Variants in ZBTB16 observed in about 807,000 individuals in gnomAD.
ZBTB16 encodes zinc finger and BTB domain containing 16, also known as zinc finger and BTB domain-containing protein 16.
ZBTB16 carries 8 observed loss-of-function variants against 56.8 expected under a neutral mutation model. The observed-to-expected ratio is 0.14, with a 90% confidence interval of 0.08 to 0.25. The LOEUF is 0.25. Ranked by LOEUF, ZBTB16 falls within the 10% of genes least tolerant of loss-of-function variation. The pLI is 1.00. For synonymous variants in ZBTB16, 363 were observed against 368.5 expected, an observed-to-expected ratio of 0.98 and a Z score of 0.17; for missense variants, 625 against 903.0, an observed-to-expected ratio of 0.69 and a Z score of 3.95.
At chr11:114,207,581 C>T (rs1005326679) in intron 4 of ZBTB16, among the ~76,000 whole-genome samples, 2 of 145,164 alleles carry the variant, frequency 1.4e-5, no homozygotes, top group Non-Finnish European at 3.0e-5. Context: ...TTGCCTGATA[C>T]ACACACACAA....
chr11:114,210,196 T>C (rs507839), intron 4 of ZBTB16, among the ~76,000 whole-genome samples: 103,145 of 151,132 alleles, frequency 0.68, 35,410 homozygotes, highest in Middle Eastern at 0.76. Flanking sequence ...TGTGTGTGCG[T>C]GCGCGCGCGT....
intron 2 of ZBTB16, among the ~76,000 whole-genome samples, chr11:114,150,723 A>G (rs1250330826): frequency 6.6e-6 from 1 of 152,218 alleles, no homozygotes; most frequent in Non-Finnish European, 1.5e-5. Context: ...GAGTGAGCCC[A>G]TTGCTAAAGT....
Position 114,242,215 on chromosome 11 carries a change from C to A in ZBTB16, c.1502C>A (p.Ala501Glu). The stretch of plus-strand genomic sequence containing the variant: ...CTGCTGTGTGGGAAGCGCTTCCAGG[C>A]GCAGAGCGCACTGCAGCAGCACATG... ...FCLLCGKRFQ[A>E]QSALQQHMEV... is the part of the protein sequence containing the mutation. Residue 501 changes from alanine (A) to glutamate (E), a missense_variant, in exon 5 of 7, where the codon GCG becomes GAG. By Grantham distance (107) the Ala-to-Glu change is moderately radical. Around this residue, in one of 6 missense-constraint regions of ZBTB16, gnomAD observed 140 missense variants for 214.8 expected, o/e 0.65. Transcript: ENST00000335953. 6.2e-7 allele frequency: 1 copy of A among 1,613,862 alleles called. No individual in the cohort carries two copies.
intron 3 of ZBTB16, among the ~76,000 whole-genome samples, chr11:114,174,023 T>C (rs1303377975): frequency 1.3e-5 from 2 of 152,208 alleles, no homozygotes; most frequent in Non-Finnish European, 2.9e-5. Flanking sequence ...CCTACATGTT[T>C]TCATACCTTT....
rs1415779965 is a variant in ZBTB16, at chr11:114,250,929, G to T, written c.*374G>T. Among the ~76,000 whole-genome samples, 1 of 152,206 alleles carries T rather than the reference G, an allele frequency of 6.6e-6. No individual in the cohort carries two copies. The highest frequency in any genetic ancestry group is 6.5e-5 in the Admixed American group (1 of 15,286). On this transcript the variant is annotated 3_prime_UTR_variant, in exon 7 of 7. Transcript: ENST00000335953. The surrounding 1 kb of genome is among the most constrained non-coding windows in gnomAD (Gnocchi z 6.0). The stretch of plus-strand genomic sequence containing the variant: ...GAGGTCCTCTGGTCAGAGCCACACG[G>T]TCTGTGCCGGCCTTCCTCCACCAAG...
intron 4 of ZBTB16, among the ~76,000 whole-genome samples, chr11:114,211,221 T>C (rs1214423819): frequency 2.0e-5 from 3 of 152,182 alleles, no homozygotes; most frequent in Non-Finnish European, 4.4e-5. Context: ...GTGAGTGACC[T>C]AAAAGTGCAG....
chr11:114,081,029 A>AT (rs1939738993), intron 2 of ZBTB16, among the ~76,000 whole-genome samples: 1 of 152,074 alleles, frequency 6.6e-6, no homozygotes, highest in African/African-American at 2.4e-5. Context: ...AGGTTCTGTG[A>AT]TTTTCCCTAG....
intron 4 of ZBTB16, among the ~76,000 whole-genome samples, chr11:114,208,328 G>A (rs1943930536): frequency 6.6e-6 from 1 of 152,186 alleles, no homozygotes; most frequent in Non-Finnish European, 1.5e-5. Flanking sequence ...TGAAGAATCT[G>A]TTCTTGTCTG....
At chr11:114,107,325 G>C (rs1042086578) in intron 2 of ZBTB16, among the ~76,000 whole-genome samples, 1 of 152,144 alleles carries the variant, frequency 6.6e-6, no homozygotes, top group African/African-American at 2.4e-5. Context: ...TTTAGACCTT[G>C]TAATGTGCAT....
At position 114,105,244 on chromosome 11, in the gene ZBTB16, C is replaced by CTTTT. The variant is rs560912055; in HGVS notation, c.1268+40685_1268+40688dup. Among the ~76,000 whole-genome samples the CTTTT allele has an allele frequency of 3.5e-3, 514 of 145,894 alleles. 9 individuals carry two copies. In the East Asian group the frequency reaches 0.046, roughly 13 times the overall value. On this transcript the variant is annotated intron_variant, in intron 2 of 6. Transcript: ENST00000335953. ...ATTAATTCTGTCTCTCTCTCTCTCT[C>CTTTT]TTTTTTTTTTTTGAGACGTGGAGTC... is the stretch of plus-strand genomic sequence containing the variant.
chr11:114,123,872 G>A (rs57936473), intron 2 of ZBTB16, among the ~76,000 whole-genome samples: 157 of 152,254 alleles, frequency 1.0e-3, no homozygotes, highest in African/African-American at 3.4e-3. Flanking sequence ...ATATACGGGC[G>A]CCAGGCTGCT....
intron 4 of ZBTB16, among the ~76,000 whole-genome samples, chr11:114,201,379 C>A (rs1439663610): frequency 6.6e-6 from 1 of 152,108 alleles, no homozygotes; most frequent in Middle Eastern, 3.2e-3. Flanking sequence ...CCAAGCCGGG[C>A]CCAGGGTTGC....
intron 2 of ZBTB16, among the ~76,000 whole-genome samples, chr11:114,109,101 T>C (rs897590753): frequency 4.6e-5 from 7 of 152,126 alleles, no homozygotes; most frequent in African/African-American, 1.7e-4. Context: ...GGCTTTGGGG[T>C]CAGTCAGGTG....
intron 2 of ZBTB16, among the ~76,000 whole-genome samples, chr11:114,136,820 A>G (rs1941808997): frequency 6.6e-6 from 1 of 152,072 alleles, no homozygotes; most frequent in Admixed American, 6.6e-5. Context: ...TGTAGTTTTA[A>G]CTGCAGGGCA....
intron 4 of ZBTB16, among the ~76,000 whole-genome samples, chr11:114,233,057 ACATACGCATGCGCGCGCGCGCGCG>A (rs1403052379): frequency 1.9e-4 from 21 of 109,918 alleles, no homozygotes; most frequent in African/African-American, 6.1e-4. Context: ...ACTCTACTGC[ACATACGCATGCGCGCGCGCGCGCG>A]CACACACACA....
intron 4 of ZBTB16, among the ~76,000 whole-genome samples, chr11:114,234,334 C>G (rs558143362): frequency 1.3e-5 from 2 of 152,320 alleles, no homozygotes; most frequent in Non-Finnish European, 2.9e-5. Context: ...ATGCAGGAGA[C>G]AAACACCCAT....
At chr11:114,133,466 C>A (rs1941718507) in intron 2 of ZBTB16, among the ~76,000 whole-genome samples, 1 of 152,200 alleles carries the variant, frequency 6.6e-6, no homozygotes, top group Non-Finnish European at 1.5e-5. Flanking sequence ...TCACTCTGAT[C>A]TTGGAATTCA....
At chr11:114,174,990 C>G (rs1943070396) in intron 3 of ZBTB16, among the ~76,000 whole-genome samples, 1 of 152,226 alleles carries the variant, frequency 6.6e-6, no homozygotes, top group Admixed American at 6.5e-5. Context: ...GAGATGTTAG[C>G]TCAGCTACCC....
intron 3 of ZBTB16, among the ~76,000 whole-genome samples, chr11:114,176,021 G>GTGTA (rs1296186210): frequency 9.2e-5 from 14 of 151,868 alleles, no homozygotes; most frequent in Non-Finnish European, 7.4e-5. Flanking sequence ...GTGTGTGTGT[G>GTGTA]TGTATGTGTG....
Sources: gnomAD v4.1 joint callset for allele counts (sites outside exome capture counted in the v4.1 genomes callset) on GRCh38, gnomAD v4.1.1 for gene constraint, gnomAD v4.1.1 regional missense constraint, Gnocchi (gnomAD v3.1) non-coding constraint, MANE v1.5 for transcripts, NCBI Gene and HGNC (gene_info 2026-07-23, HGNC 2026-07-21) for gene names.